The following SCMH1 variants were observed in gnomAD, a reference collection of about 807,000 sequenced individuals.
The protein encoded by SCMH1 is Scm polycomb group protein homolog 1.
In SCMH1, 37 loss-of-function variants were observed where a neutral mutation model predicts 70.8. The observed-to-expected ratio is 0.52, with a 90% CI of 0.40 to 0.69. The LOEUF is 0.69. SCMH1 is among the 30% of genes least tolerant of loss of function. The pLI is 0.00. For synonymous variants in SCMH1, 292 were observed against 307.4 expected (o/e 0.95, Z 0.52); for missense variants, 607 against 827.3 (o/e 0.73, Z 3.27).
intron 1 of SCMH1, among the ~76,000 whole-genome samples, chr1:41,220,123 G>GA (rs1489641069): frequency 6.6e-6 from 1 of 152,128 alleles, no homozygotes; most frequent in African/African-American, 2.4e-5. Context: ...AAGTCTATTA[G>GA]AAAAAAGAGG....
intron 1 of SCMH1, among the ~76,000 whole-genome samples, chr1:41,187,780 G>C (rs1650625587): frequency 6.7e-6 from 1 of 149,174 alleles, no homozygotes; most frequent in African/African-American, 2.5e-5. Context: ...CTAGGAGTTT[G>C]AGACTCAGAA....
At chr1:41,220,310 T>C (rs889856106) in intron 1 of SCMH1, among the ~76,000 whole-genome samples, 7 of 152,238 alleles carry the variant, frequency 4.6e-5, no homozygotes, top group Admixed American at 3.3e-4. Context: ...AGAGTTTATG[T>C]ACATGTGTTT....
intron 8 of SCMH1, among the ~76,000 whole-genome samples, chr1:41,092,744 T>C (rs1317925123): frequency 6.6e-6 from 1 of 152,154 alleles, no homozygotes; most frequent in Admixed American, 6.5e-5. Flanking sequence ...AAAGAAGACA[T>C]TTATGCAGCC....
exon 12 of SCMH1, chr1:41,046,557 C>T (rs750438486): frequency 6.2e-7 from 1 of 1,614,184 alleles, no homozygotes; most frequent in Non-Finnish European, 8.5e-7. Flanking sequence ...ATGCTGTTGA[C>T]TGCTGGGAGG....
chr1:41,068,559 C>A (rs1449208126), intron 10 of SCMH1, among the ~76,000 whole-genome samples: 1 of 152,132 alleles, frequency 6.6e-6, no homozygotes, highest in Admixed American at 6.6e-5. Context: ...GCATGTGCCA[C>A]CATGCCTGGC....
intron 2 of SCMH1, among the ~76,000 whole-genome samples, chr1:41,179,482 A>C (rs1572874224): frequency 6.6e-6 from 1 of 152,206 alleles, no homozygotes; most frequent in African/African-American, 2.4e-5. Flanking sequence ...AAGACTAATA[A>C]GAAAAGAGAG....
chr1:41,218,138 T>TA (rs1392061057), intron 1 of SCMH1, among the ~76,000 whole-genome samples: 1 of 152,152 alleles, frequency 6.6e-6, no homozygotes, highest in African/African-American at 2.4e-5. Flanking sequence ...ATTTTGGACT[T>TA]AGAGTTGATG....
chr1:41,069,980 A>T (rs1047183092), intron 10 of SCMH1, among the ~76,000 whole-genome samples: 1 of 152,212 alleles, frequency 6.6e-6, no homozygotes, highest in Admixed American at 6.5e-5. Flanking sequence ...GAGTAACAGA[A>T]TAGGGTTTCA....
chr1:41,235,569 T>TAAAAAAAAA (rs61093555), intron 1 of SCMH1, among the ~76,000 whole-genome samples: 1 of 43,086 alleles, frequency 2.3e-5, no homozygotes, highest in Non-Finnish European at 6.1e-5. Context: ...AGACTCCGTC[T>TAAAAAAAAA]AAAAAAAAAA....
rs1373588542 is a variant in SCMH1 at position 41,160,931 on chromosome 1, A to G, written c.83-33T>C. On this transcript the variant is annotated intron_variant, in intron 3 of 14. Transcript: ENST00000337495. ...AGAAAAAAATGTTGGAGCATAAGTC[A>G]TTAAGACAAACATACCAACATGATG... 5 of 1,544,464 alleles carry G rather than the reference A, an allele frequency of 3.2e-6. No individual in the cohort carries two copies. The African/African-American group carries it at 5.5e-5, about 17-fold the overall frequency.
At chr1:41,232,869 T>C (rs1445627696) in intron 1 of SCMH1, among the ~76,000 whole-genome samples, 1 of 152,210 alleles carries the variant, frequency 6.6e-6, no homozygotes, top group Non-Finnish European at 1.5e-5. Context: ...ATTGGATAAA[T>C]GAATTCTGAA....
intron 1 of SCMH1, among the ~76,000 whole-genome samples, chr1:41,235,601 A>G (rs561171932): frequency 6.7e-6 from 1 of 150,106 alleles, no homozygotes; most frequent in East Asian, 2.0e-4. Context: ...AAAAAAGAAA[A>G]GTTCAGATAT....
chr1:41,075,410 T>C (rs1657972285), exon 9 of SCMH1: 1 of 1,613,982 alleles, frequency 6.2e-7, no homozygotes, highest in Non-Finnish European at 8.5e-7. Flanking sequence ...GGCTTCTCAG[T>C]ATTCACATCG....
In SCMH1 at chr1:41,186,259, A is replaced by T. The variant is rs1421009702; in HGVS notation, c.-117-9T>A. 6.2e-6 allele frequency: 4 copies of T among 650,090 alleles called. No homozygotes were observed. 40.3% of individuals were successfully genotyped at this position (650,090 alleles called of 1,614,324 possible). A position where few individuals can be genotyped will look rare whatever the true frequency, so the allele number is the denominator to read the frequency against. On this transcript the variant is annotated splice_polypyrimidine_tract_variant and intron_variant, in intron 1 of 14. Transcript: ENST00000337495. ...TATGCTAATTTCTCCATCTGTAAAA[A>T]AGGTAGGTGGGGAGGAAGGAGAAGA...
At chr1:41,149,628 TAA>T (rs1644885041) in intron 5 of SCMH1, among the ~76,000 whole-genome samples, 2 of 152,200 alleles carry the variant, frequency 1.3e-5, no homozygotes, top group Admixed American at 1.3e-4. Context: ...TCGATGCAGT[TAA>T]GTTATTTGTG....
intron 13 of SCMH1, among the ~76,000 whole-genome samples, chr1:41,033,615 TCA>T (rs1179345598): frequency 6.6e-6 from 1 of 152,164 alleles, no homozygotes; most frequent in Non-Finnish European, 1.5e-5. Context: ...GCTTGTTGTC[TCA>T]GTCTGAGCAT....
chr1:41,140,134 G>A (rs749528249), intron 6 of SCMH1, among the ~76,000 whole-genome samples: 7 of 152,062 alleles, frequency 4.6e-5, no homozygotes, highest in Admixed American at 1.3e-4. Flanking sequence ...TGAGTGATAC[G>A]GAATAAAGCA....
At chr1:41,038,664 A>C (rs142224709) in intron 12 of SCMH1, among the ~76,000 whole-genome samples, 69 of 152,278 alleles carry the variant, frequency 4.5e-4, no homozygotes, top group African/African-American at 1.7e-3. Flanking sequence ...TATATCAAGG[A>C]GGCTAATTGT....
intron 7 of SCMH1, among the ~76,000 whole-genome samples, chr1:41,116,264 T>A (rs972930801): frequency 1.2e-4 from 18 of 152,212 alleles, no homozygotes; most frequent in African/African-American, 3.9e-4. Context: ...TGTTGAGACT[T>A]AACTAGCAGC....
Sources: gnomAD v4.1 joint callset for allele counts (sites outside exome capture counted in the v4.1 genomes callset) on GRCh38, gnomAD v4.1.1 for gene constraint, MANE v1.5 for transcripts, NCBI Gene and HGNC (gene_info 2026-07-23, HGNC 2026-07-21) for gene names.